Variants in ITGA6 observed in about 807,000 individuals in gnomAD.
ITGA6 encodes integrin subunit alpha 6.
Under a neutral mutation model 133.6 loss-of-function variants are expected in ITGA6, and 63 were observed. That is an observed-to-expected ratio of 0.47 (90% CI 0.38 to 0.58). ITGA6 has a LOEUF of 0.58. ITGA6 is among the 20% of genes least tolerant of loss of function. The pLI is 0.00. For synonymous variants in ITGA6, 434 were observed against 482.0 expected, an observed-to-expected ratio of 0.90 and a Z score of 1.30; for missense variants, 1,068 against 1,309.4, an observed-to-expected ratio of 0.82 and a Z score of 2.85.
intron 1 of ITGA6, among the ~76,000 whole-genome samples, chr2:172,428,807 A>T (rs1683989517): frequency 1.3e-5 from 2 of 152,210 alleles, no homozygotes; most frequent in Non-Finnish European, 2.9e-5. Flanking sequence ...CAGGAGAAAG[A>T]GGAGACCGGC....
At chr2:172,499,680 T>A (rs1282792603) in intron 24 of ITGA6, among the ~76,000 whole-genome samples, 2 of 152,230 alleles carry the variant, frequency 1.3e-5, no homozygotes, top group African/African-American at 4.8e-5. Flanking sequence ...TATTTTGATA[T>A]CAAAAACTAA....
intron 1 of ITGA6, among the ~76,000 whole-genome samples, chr2:172,441,558 T>TAAAAAAAAAAAAAAAAA (rs1559116474): frequency 1.5e-5 from 1 of 64,854 alleles, no homozygotes; most frequent in African/African-American, 6.2e-5. Context: ...CGCTGTCTCT[T>TAAAAAAAAAAAAAAAAA]TAAAAAAAAA....
rs6722783 is a variant in ITGA6, at chr2:172,475,846, T to C, written c.1269+161T>C. On this transcript the variant is annotated intron_variant, in intron 8 of 25. Transcript: ENST00000684293. Reference sequence around the variant, plus strand: ...GTATTACTAGAAGATACCTTCAAAATAAATATATAAATGTAATGACTTGCT... The same window carrying C: ...GTATTACTAGAAGATACCTTCAAAACAAATATATAAATGTAATGACTTGCT... Among the ~76,000 whole-genome samples, 3,104 of 152,290 alleles carry C rather than the reference T, an allele frequency of 0.02. 120 individuals are homozygous for C. Among genetic ancestry groups the C allele is most frequent in the African/African-American group, 0.07 (2,902 of 41,536 alleles).
At chr2:172,497,907 AC>A (rs751045448) in intron 23 of ITGA6, 67 bp from the exon 24 acceptor site, 1 of 1,577,164 alleles carries the variant, frequency 6.3e-7, no homozygotes, top group Non-Finnish European at 8.7e-7. Flanking sequence ...CAGAATTAGA[AC>A]CATAAACTCC....
chr2:172,462,515 G>A (rs1469766701), intron 1 of ITGA6, among the ~76,000 whole-genome samples: 2 of 152,198 alleles, frequency 1.3e-5, no homozygotes, highest in Non-Finnish European at 2.9e-5. Context: ...ATCTGCAGTA[G>A]CCGCCGCATG....
At chr2:172,484,748 GCA>G in intron 11 of ITGA6, 32 bp from the exon 12 acceptor site, 1 of 1,579,160 alleles carries the variant, frequency 6.3e-7, no homozygotes, top group Non-Finnish European at 8.7e-7. Context: ...GTGCATGAAT[GCA>G]CTTACGTTAA....
At chr2:172,444,749 G>A (rs1297368529) in intron 1 of ITGA6, among the ~76,000 whole-genome samples, 5 of 125,090 alleles carry the variant, frequency 4.0e-5, no homozygotes, top group African/African-American at 9.6e-5. Context: ...CCCCCTAATC[G>A]CCACGTATTT....
chr2:172,487,255 T>C lies in ITGA6; in HGVS notation c.1971-9T>C. Reference sequence around the variant, plus strand: ...TGCCTTTTTGTTCTTGTTTTCTTATTTTTAATAGTCAAAAAGGTGTACCAG... The same window carrying C: ...TGCCTTTTTGTTCTTGTTTTCTTATCTTTAATAGTCAAAAAGGTGTACCAG... On this transcript the variant is annotated splice_polypyrimidine_tract_variant and intron_variant, in intron 14 of 25. Coordinates refer to ENST00000684293, the MANE Select transcript of ITGA6 (RefSeq NM_000210.4). The C allele has an allele frequency of 6.2e-7, 1 of 1,609,294 alleles. No individual in the cohort carries two copies.
rs1284001849 is a variant in ITGA6, at chr2:172,479,714, G to A, written c.1462G>A (p.Ala488Thr). 6.2e-7 allele frequency: 1 copy of A among 1,613,778 alleles called. No individual in the cohort carries two copies. The highest frequency in any genetic ancestry group is 8.5e-7 in the Non-Finnish European group (1 of 1,179,954). ...CAGAATTGACCTCCGCCAGAAAACA[G>A]CGTGTGGGGCGCCTAGTGGGATATG... is the stretch of plus-strand genomic sequence containing the variant. ...PNRIDLRQKTACGAPSGICLQ... is the reference protein window; with the variant it reads ...PNRIDLRQKTTCGAPSGICLQ... Residue 488 changes from alanine (A) to threonine (T), a missense_variant, in exon 10 of 26, where the codon GCG becomes ACG. Physicochemically the swap from Ala to Thr is moderately conservative, Grantham distance 58. Coordinates refer to ENST00000684293, the MANE Select transcript of ITGA6 (RefSeq NM_000210.4).
intron 9 of ITGA6, among the ~76,000 whole-genome samples, chr2:172,476,874 A>G (rs1559141576): frequency 6.6e-6 from 1 of 152,280 alleles, no homozygotes; most frequent in African/African-American, 2.4e-5. Context: ...CTTGATTTCT[A>G]TTTTATTTTC....
chr2:172,474,883 A>G (rs1686098032), intron 6 of ITGA6, 46 bp from the exon 7 acceptor site: 1 of 903,938 alleles, frequency 1.1e-6, no homozygotes, highest in African/African-American at 1.6e-5. Flanking sequence ...TGTTGCTGGT[A>G]TGTTAGCTGT....
chr2:172,482,613 T>A (rs1410985203), intron 11 of ITGA6, among the ~76,000 whole-genome samples: 1 of 89,278 alleles, frequency 1.1e-5, no homozygotes, highest in East Asian at 4.1e-4. Context: ...CCTCCCATAC[T>A]TTTGCTGTGA....
Position 172,491,009 on chromosome 2 carries a change from TATA to T in ITGA6, c.2680-12_2680-10del. The T allele has an allele frequency of 1.6e-6, 2 of 1,245,668 alleles. No individual in the cohort carries two copies. Among genetic ancestry groups the T allele is most frequent in the Non-Finnish European group, 2.4e-6 (2 of 845,364 alleles). The allele number at this position is 1,245,668 out of a possible 1,614,324, so 77.2% of individuals were successfully genotyped here. The stretch of plus-strand genomic sequence containing the variant: ...TTACATAAATTGGAACTATTTTGGA[TATA>T]ATTTTTTTCAGGAGTCTCACAACTC... On this transcript the variant is annotated splice_polypyrimidine_tract_variant and intron_variant, in intron 20 of 25. Coordinates refer to ENST00000684293, the MANE Select transcript of ITGA6 (RefSeq NM_000210.4). This position sits in a 1 kb window ranked among gnomAD's most constrained non-coding sequence, Gnocchi z 4.4.
chr2:172,433,496 T>C (rs116095932), intron 1 of ITGA6, among the ~76,000 whole-genome samples: 4,602 of 152,300 alleles, frequency 0.03, 99 homozygotes, highest in Middle Eastern at 0.082. Context: ...CTAACCTTCC[T>C]AGGCCTTCCT....
intron 1 of ITGA6, among the ~76,000 whole-genome samples, chr2:172,442,013 C>T (rs1484328347): frequency 6.6e-6 from 1 of 152,164 alleles, no homozygotes; most frequent in Non-Finnish European, 1.5e-5. Flanking sequence ...TCTTTCTCAT[C>T]ATAGAGAGGT....
At chr2:172,434,813 C>A (rs1033609583) in intron 1 of ITGA6, among the ~76,000 whole-genome samples, 1 of 151,962 alleles carries the variant, frequency 6.6e-6, no homozygotes, top group African/African-American at 2.4e-5. Flanking sequence ...TAAGAAAAGC[C>A]TTTGAGAGAA....
chr2:172,438,386 G>A lies in ITGA6; in HGVS notation c.182+10416G>A, dbSNP rs920496669. ...AGGTGGCTAATTATCCTGGTGGAAG[G>A]GCATGGGGTTTTTCCATTGCTTCTA... On this transcript the variant is annotated intron_variant, in intron 1 of 25. Coordinates refer to ENST00000684293, the MANE Select transcript of ITGA6 (RefSeq NM_000210.4). 2.0e-5 allele frequency among the ~76,000 whole-genome samples: 3 copies of A among 151,618 alleles called. No homozygotes were observed. In the South Asian group the frequency reaches 6.2e-4, roughly 31 times the overall value.
At chr2:172,462,894 C>G (rs1036864557) in intron 1 of ITGA6, among the ~76,000 whole-genome samples, 3 of 152,170 alleles carry the variant, frequency 2.0e-5, no homozygotes, top group Non-Finnish European at 2.9e-5. Flanking sequence ...CCCATTGTGT[C>G]CCTCTTCTCC....
rs1291296354 is a variant in ITGA6 at position 172,427,814 on chromosome 2, T to C, written c.26T>C (p.Leu9Ser). ...ATGGCCGCCGCCGGGCAGCTGTGCTTGCTCTACCTGTCGGCGGGGCTCCTG... is the reference window on the plus strand; with the variant it reads ...ATGGCCGCCGCCGGGCAGCTGTGCTCGCTCTACCTGTCGGCGGGGCTCCTG... MAAAGQLC[L>S]LYLSAGLLSR... Residue 9 changes from leucine (L) to serine (S), a missense_variant, in exon 1 of 26, where the codon TTG (leucine) becomes TCG (serine). By Grantham distance (145) the Leu-to-Ser change is moderately radical. Transcript: ENST00000684293. 1 of 1,602,250 alleles carries C rather than the reference T, an allele frequency of 6.2e-7. No individual in the cohort carries two copies. Among genetic ancestry groups the C allele is most frequent in the Non-Finnish European group, 8.5e-7 (1 of 1,175,314 alleles).
Sources: gnomAD v4.1 joint callset for allele counts (sites outside exome capture counted in the v4.1 genomes callset) on GRCh38, gnomAD v4.1.1 for gene constraint, Gnocchi (gnomAD v3.1) non-coding constraint, MANE v1.5 for transcripts, NCBI Gene and HGNC (gene_info 2026-07-23, HGNC 2026-07-21) for gene names.